ZRANB3: variants seen among roughly 807,000 people sequenced by gnomAD.
The protein encoded by ZRANB3 is DNA annealing helicase and endonuclease ZRANB3.
ZRANB3 carries 125 observed loss-of-function variants against 133.8 expected under a neutral mutation model. The ratio of observed to expected loss-of-function variants is 0.93; its 90% CI spans 0.81 to 1.08. The LOEUF (loss-of-function observed/expected upper bound fraction) is 1.08. ZRANB3 is among the 50% of genes least tolerant of loss of function. ZRANB3 has a pLI of 0.00. For missense variants in ZRANB3, 1,229 were observed against 1,275.5 expected, an observed-to-expected ratio of 0.96 and a Z score of 0.56; for synonymous variants, 387 against 432.7, an observed-to-expected ratio of 0.89 and a Z score of 1.31.
At position 135,292,486 on chromosome 2, in the gene ZRANB3, T is replaced by C. The variant is rs1681804315; in HGVS notation, c.967-16731A>G. On this transcript the variant is annotated intron_variant, in intron 8 of 20. Transcript: ENST00000264159. ...ATTTGTTTGAGTGCATTGTAGATGC[T>C]GGATATTAGCCCTTTGTCAGATGAG... is the stretch of plus-strand genomic sequence containing the variant. Among the ~76,000 whole-genome samples the C allele has an allele frequency of 2.0e-5, 3 of 152,370 alleles. No individual in the cohort carries two copies. In the South Asian group the frequency reaches 6.2e-4, roughly 32 times the overall value.
chr2:135,452,783 T>C (rs534377003), intron 2 of ZRANB3, among the ~76,000 whole-genome samples: 1 of 152,328 alleles, frequency 6.6e-6, no homozygotes, highest in African/African-American at 2.4e-5. Flanking sequence ...GGGTAGAGCC[T>C]CCCTCCTGGC....
chr2:135,308,204 C>G (rs1682794375), intron 8 of ZRANB3, among the ~76,000 whole-genome samples: 1 of 152,168 alleles, frequency 6.6e-6, no homozygotes, highest in African/African-American at 2.4e-5. Flanking sequence ...TGCCTCTACC[C>G]TGGCAGTAAC....
intron 3 of ZRANB3, among the ~76,000 whole-genome samples, chr2:135,359,555 C>T (rs190948951): frequency 3.3e-4 from 49 of 148,412 alleles, no homozygotes; most frequent in African/African-American, 1.1e-3. Context: ...TGCACTCCAG[C>T]CTGGGTGACA....
intron 2 of ZRANB3, among the ~76,000 whole-genome samples, chr2:135,421,752 G>A (rs780162184): frequency 1.1e-4 from 16 of 151,938 alleles, no homozygotes; most frequent in Admixed American, 6.6e-4. Context: ...TAGTTAGTAC[G>A]GTGGCCTTTT....
intron 6 of ZRANB3, among the ~76,000 whole-genome samples, chr2:135,322,640 C>T (rs1234276803): frequency 1.3e-5 from 2 of 152,000 alleles, no homozygotes. Flanking sequence ...ATTGCTTGAG[C>T]CCAGGAGGTT....
chr2:135,335,314 T>C (rs969211406), intron 6 of ZRANB3, among the ~76,000 whole-genome samples: 10 of 151,956 alleles, frequency 6.6e-5, no homozygotes, highest in Non-Finnish European at 1.3e-4. Flanking sequence ...CACAGAATAG[T>C]GTCTAGAATA....
At chr2:135,364,714 T>C (rs1426161801) in intron 3 of ZRANB3, among the ~76,000 whole-genome samples, 1 of 152,110 alleles carries the variant, frequency 6.6e-6, no homozygotes. Context: ...ATTGCACCAC[T>C]GCTCTCCAGC....
intron 7 of ZRANB3, among the ~76,000 whole-genome samples, chr2:135,314,745 T>C (rs1395324576): frequency 6.6e-6 from 1 of 150,646 alleles, no homozygotes; most frequent in Non-Finnish European, 1.5e-5. Flanking sequence ...ACCTTCTATT[T>C]AGAATTCTTT....
At chr2:135,379,122 G>C (rs987708366) in intron 3 of ZRANB3, among the ~76,000 whole-genome samples, 2 of 151,774 alleles carry the variant, frequency 1.3e-5, no homozygotes, top group Non-Finnish European at 2.9e-5. Flanking sequence ...CTGGGTGTGG[G>C]GTATACAGGA....
intron 12 of ZRANB3, among the ~76,000 whole-genome samples, chr2:135,259,922 T>C (rs1366694359): frequency 6.6e-6 from 1 of 152,020 alleles, no homozygotes; most frequent in East Asian, 1.9e-4. Flanking sequence ...ATGTTGCTGA[T>C]TATTGGAGAA....
intron 15 of ZRANB3, among the ~76,000 whole-genome samples, chr2:135,223,573 C>A (rs924791674): frequency 6.6e-6 from 1 of 152,066 alleles, no homozygotes; most frequent in Non-Finnish European, 1.5e-5. Flanking sequence ...GGTGATCCAC[C>A]CACCTTGGCC....
intron 12 of ZRANB3, among the ~76,000 whole-genome samples, chr2:135,247,917 C>T (rs747022328): frequency 6.6e-6 from 1 of 152,158 alleles, no homozygotes; most frequent in Non-Finnish European, 1.5e-5. Flanking sequence ...TGTGGCCAGA[C>T]TGCTTTTTTT....
At chr2:135,381,889 G>A (rs1335265227) in intron 3 of ZRANB3, among the ~76,000 whole-genome samples, 1 of 152,050 alleles carries the variant, frequency 6.6e-6, no homozygotes, top group Admixed American at 6.6e-5. Context: ...CACAAAGATG[G>A]GGAAAAAACA....
At chr2:135,259,141 T>TC (rs1471052428) in intron 12 of ZRANB3, among the ~76,000 whole-genome samples, 1 of 151,660 alleles carries the variant, frequency 6.6e-6, no homozygotes, top group Non-Finnish European at 1.5e-5. Flanking sequence ...CACCTCAGAC[T>TC]CCCAAGTGGC....
At chr2:135,320,241 T>TG (rs1683456470) in intron 6 of ZRANB3, among the ~76,000 whole-genome samples, 1 of 152,164 alleles carries the variant, frequency 6.6e-6, no homozygotes, top group Non-Finnish European at 1.5e-5. Flanking sequence ...GGTCCATAGT[T>TG]GCATGGGAAG....
At chr2:135,459,373 T>C (rs1198351547) in intron 2 of ZRANB3, among the ~76,000 whole-genome samples, 1 of 152,202 alleles carries the variant, frequency 6.6e-6, no homozygotes, top group East Asian at 1.9e-4. Context: ...ACAATGTCAG[T>C]GCCCAGCTTG....
chr2:135,317,141 A>C (rs1320627895), intron 6 of ZRANB3, among the ~76,000 whole-genome samples: 1 of 151,924 alleles, frequency 6.6e-6, no homozygotes, highest in Non-Finnish European at 1.5e-5. Context: ...CTATATAAAA[A>C]TTTTTAACGG....
intron 12 of ZRANB3, among the ~76,000 whole-genome samples, chr2:135,254,291 C>T (rs1679540364): frequency 6.6e-6 from 1 of 152,170 alleles, no homozygotes; most frequent in Non-Finnish European, 1.5e-5. Context: ...GTCCTGTGTT[C>T]CCAGAGCCTG....
chr2:135,221,623 C>T (rs1423309376), intron 15 of ZRANB3, among the ~76,000 whole-genome samples: 1 of 152,212 alleles, frequency 6.6e-6, no homozygotes. Flanking sequence ...GGTTTCTCTA[C>T]CCTCTTGGGA....
Sources: allele counts gnomAD v4.1 joint callset (sites outside exome capture counted in the v4.1 genomes callset), GRCh38; gene constraint gnomAD v4.1.1; transcripts MANE v1.5; gene names NCBI Gene and HGNC (gene_info 2026-07-23, HGNC 2026-07-21).